UNC5C: variants seen among roughly 807,000 people sequenced by gnomAD.
UNC5C encodes the protein unc-5 netrin receptor C, also known as netrin receptor UNC5C.
Under a neutral mutation model 99.8 loss-of-function variants are expected in UNC5C, and 47 were observed. That is an observed-to-expected ratio of 0.47 (90% CI 0.37 to 0.60). The LOEUF is 0.60. Ranked by LOEUF, UNC5C falls within the 20% of genes least tolerant of loss-of-function variation. The pLI is 0.00. For missense variants in UNC5C, 1,062 were observed against 1,165.9 expected (o/e 0.91, Z 1.30); for synonymous variants, 487 against 452.2 (o/e 1.08, Z -0.98).
At chr4:95,534,174 A>C (rs12651336) in intron 1 of UNC5C, among the ~76,000 whole-genome samples, 51,090 of 152,046 alleles carry the variant, frequency 0.34, 10,252 homozygotes, top group Middle Eastern at 0.48. Context: ...CGGACAAAGA[A>C]AATTACAAGT....
At chr4:95,252,327 C>T (rs532780634) in intron 4 of UNC5C, among the ~76,000 whole-genome samples, 2 of 152,292 alleles carry the variant, frequency 1.3e-5, no homozygotes, top group African/African-American at 2.4e-5. Context: ...TCACACAAAG[C>T]ATGGACAGGC....
At position 95,525,898 on chromosome 4, in the gene UNC5C, G is replaced by C. The variant is rs564017136; in HGVS notation, c.124+22836C>G. ...CGGTTTAACAAATCTTAATTTCTAG[G>C]CTTTTTGAAAAATCATCTGTCATAA... On this transcript the variant is annotated intron_variant, in intron 1 of 15. Coordinates refer to ENST00000453304, the MANE Select transcript of UNC5C (RefSeq NM_003728.4). Among the ~76,000 whole-genome samples, 3 of 152,134 alleles carry C rather than the reference G, an allele frequency of 2.0e-5. No homozygotes were observed. The East Asian group carries it at 5.8e-4, about 29-fold the overall frequency.
intron 1 of UNC5C, among the ~76,000 whole-genome samples, chr4:95,511,193 A>C (rs1420224677): frequency 6.6e-6 from 1 of 152,146 alleles, no homozygotes; most frequent in Non-Finnish European, 1.5e-5. Context: ...GCAGAAGCTA[A>C]TAATATCAGG....
At chr4:95,294,119 A>G (rs1400606788) in intron 3 of UNC5C, among the ~76,000 whole-genome samples, 2 of 152,238 alleles carry the variant, frequency 1.3e-5, no homozygotes, top group Admixed American at 6.5e-5. Context: ...TAGTTTAGAC[A>G]TACTGGACTC....
chr4:95,310,022 G>A (rs1207343581), intron 2 of UNC5C, among the ~76,000 whole-genome samples: 1 of 152,198 alleles, frequency 6.6e-6, no homozygotes, highest in Non-Finnish European at 1.5e-5. Context: ...CAATAGCCAA[G>A]ACATGGGATT....
At position 95,166,044 on chromosome 4, in the gene UNC5C, T is replaced by C. The variant is rs1017928742; in HGVS notation, c.*3190A>G. 5.3e-5 allele frequency: 8 copies of C among 152,236 alleles called. No individual in the cohort carries two copies. Among genetic ancestry groups the C allele is most frequent in the Non-Finnish European group, 1.2e-4 (8 of 68,034 alleles). The allele number at this position is 152,236 out of a possible 1,614,324, so 9.4% of individuals were successfully genotyped here. ...GTTTGTCATAAAGGTCCTTGAACTC[T>C]ACAGGTTTTCATTCCCTTCGTCAAA... On this transcript the variant is annotated 3_prime_UTR_variant, in exon 16 of 16. Coordinates refer to ENST00000453304, the MANE Select transcript of UNC5C (RefSeq NM_003728.4).
chr4:95,427,054 T>C (rs556255576), intron 1 of UNC5C, among the ~76,000 whole-genome samples: 1 of 152,258 alleles, frequency 6.6e-6, no homozygotes, highest in African/African-American at 2.4e-5. Flanking sequence ...GGAGAAGTGA[T>C]CCTTATGAAT....
At chr4:95,502,344 C>T (rs1721795952) in intron 1 of UNC5C, among the ~76,000 whole-genome samples, 2 of 152,132 alleles carry the variant, frequency 1.3e-5, no homozygotes, top group African/African-American at 4.8e-5. Context: ...TCATAGCTCT[C>T]TGCCGCCTTG....
intron 1 of UNC5C, among the ~76,000 whole-genome samples, chr4:95,534,519 T>A (rs1456009339): frequency 6.6e-6 from 1 of 152,162 alleles, no homozygotes; most frequent in African/African-American, 2.4e-5. Context: ...ATTCATATTA[T>A]TTTTCAAAAT....
chr4:95,396,758 C>G (rs1213894433), intron 1 of UNC5C, among the ~76,000 whole-genome samples: 1 of 152,200 alleles, frequency 6.6e-6, no homozygotes, highest in East Asian at 1.9e-4. Flanking sequence ...TACTGAATTA[C>G]TGAATCTACT....
At chr4:95,208,130 A>ACACT (rs981466559) in intron 10 of UNC5C, among the ~76,000 whole-genome samples, 4 of 152,300 alleles carry the variant, frequency 2.6e-5, no homozygotes, top group African/African-American at 9.6e-5. Context: ...CTTGAACTCA[A>ACACT]CACTCAAATA....
At chr4:95,339,696 A>C (rs1743487985) in intron 1 of UNC5C, among the ~76,000 whole-genome samples, 1 of 152,062 alleles carries the variant, frequency 6.6e-6, no homozygotes, top group African/African-American at 2.4e-5. Flanking sequence ...AGGTATCCCA[A>C]ATTATTACCT....
intron 1 of UNC5C, among the ~76,000 whole-genome samples, chr4:95,504,918 T>C (rs1383850995): frequency 6.6e-6 from 1 of 152,128 alleles, no homozygotes; most frequent in Non-Finnish European, 1.5e-5. Flanking sequence ...TTATTTTTTA[T>C]ACAATTGCTT....
intron 1 of UNC5C, among the ~76,000 whole-genome samples, chr4:95,452,201 G>T (rs1747297071): frequency 6.6e-6 from 1 of 151,902 alleles, no homozygotes; most frequent in Admixed American, 6.6e-5. Context: ...AAATGAATAT[G>T]GTGTAACAAT....
chr4:95,432,936 C>G (rs1746672560), intron 1 of UNC5C, among the ~76,000 whole-genome samples: 1 of 152,142 alleles, frequency 6.6e-6, no homozygotes, highest in Admixed American at 6.6e-5. Context: ...ATCTAAACTA[C>G]TGAATACACT....
chr4:95,483,004 TATAATA>T (rs71970821), intron 1 of UNC5C, among the ~76,000 whole-genome samples: 11,674 of 103,262 alleles, frequency 0.11, 695 homozygotes, highest in Admixed American at 0.19. Flanking sequence ...AAACTTAAAG[TATAATA>T]ATAATAATAA....
Position 95,219,109 on chromosome 4 carries a change from G to C in UNC5C, c.1505C>G (p.Ser502Cys), listed in dbSNP as rs1358529032. The C allele has an allele frequency of 6.8e-6, 11 of 1,614,164 alleles. No individual in the cohort carries two copies. The highest frequency in any genetic ancestry group is 7.6e-6 in the Non-Finnish European group (9 of 1,180,032). The change falls in exon 9 of 16, where the codon TCC (serine) becomes TGC (cysteine). Residue 502 changes from serine (S) to cysteine (C), a missense_variant. Ser to Cys is a moderately radical substitution (Grantham distance 112, BLOSUM62 -1). Transcript: ENST00000453304. The stretch of plus-strand genomic sequence containing the variant: ...CAACAACGACTGGGTCATCTGAGGG[G>C]ACAGCTTGGACGTAAACTCAGAGAG... ...DDLSEFTSKL[S>C]PQMTQSLLEN... is the part of the protein sequence containing the mutation.
chr4:95,467,891 A>G (rs1051702847), intron 1 of UNC5C, among the ~76,000 whole-genome samples: 7 of 152,178 alleles, frequency 4.6e-5, no homozygotes, highest in African/African-American at 1.7e-4. Flanking sequence ...AGAAAATATT[A>G]TTAAGAGCAT....
In UNC5C at chr4:95,219,286, G is replaced by A. The variant is rs140743706; in HGVS notation, c.1328C>T (p.Thr443Met). 2.0e-5 allele frequency: 32 copies of A among 1,613,866 alleles called. No individual in the cohort carries two copies. The highest frequency in any genetic ancestry group is 8.9e-5 in the East Asian group (4 of 44,888). ...QDLLAVPPDLTSAAAMYRGPV... is the reference protein window; with the variant it reads ...QDLLAVPPDLMSAAAMYRGPV... Reference sequence around the variant, plus strand: ...TCCTCTGTACATGGCTGCAGCTGACGTGAGGTCTGGGGGTACAGCCAGCAG... The same window carrying A: ...TCCTCTGTACATGGCTGCAGCTGACATGAGGTCTGGGGGTACAGCCAGCAG... Residue 443 changes from threonine (T) to methionine (M), a missense_variant, in exon 9 of 16, where the codon ACG becomes ATG. Around this residue, in one of 3 missense-constraint regions of UNC5C, gnomAD observed 810 missense variants for 854.5 expected, o/e 0.95. Coordinates refer to ENST00000453304, the MANE Select transcript of UNC5C (RefSeq NM_003728.4).
Sources: gnomAD v4.1 joint callset for allele counts (sites outside exome capture counted in the v4.1 genomes callset) on GRCh38, gnomAD v4.1.1 for gene constraint, gnomAD v4.1.1 regional missense constraint, MANE v1.5 for transcripts, NCBI Gene and HGNC (gene_info 2026-07-23, HGNC 2026-07-21) for gene names.